SOX5: variants seen among roughly 807,000 people sequenced by gnomAD.
SOX5 encodes transcription factor SOX-5.
Under a neutral mutation model 92.0 loss-of-function variants are expected in SOX5, and 9 were observed. The ratio of observed to expected loss-of-function variants is 0.10; its 90% confidence interval spans 0.06 to 0.17. The LOEUF (loss-of-function observed/expected upper bound fraction) is 0.17. Ranked by LOEUF, SOX5 falls within the 10% of genes least tolerant of loss-of-function variation. The probability of loss-of-function intolerance (pLI) is 1.00; values close to 1 mark genes in which losing one functional copy is unlikely to be tolerated. For synonymous variants in SOX5, 344 were observed against 336.3 expected (o/e 1.02, Z -0.25); for missense variants, 642 against 944.5 (o/e 0.68, Z 4.20).
chr12:24,341,387 A>C (rs1952558930), intron 2 of SOX5, among the ~76,000 whole-genome samples: 1 of 152,138 alleles, frequency 6.6e-6, no homozygotes, highest in East Asian at 1.9e-4. Flanking sequence ...CTGAGATGGG[A>C]GGATTGCTTG....
At chr12:24,240,456 A>G (rs1965357582) in intron 3 of SOX5, among the ~76,000 whole-genome samples, 1 of 152,210 alleles carries the variant, frequency 6.6e-6, no homozygotes, top group Non-Finnish European at 1.5e-5. Flanking sequence ...CAATTTGGCT[A>G]TGCTGTATCT....
At chr12:23,724,744 G>GATTAAAGAGTATTAATATGATTAAAGA (rs2093023222) in intron 6 of SOX5, among the ~76,000 whole-genome samples, 12 of 152,230 alleles carry the variant, frequency 7.9e-5, no homozygotes, top group African/African-American at 2.6e-4. Context: ...ATGAAGTAAA[G>GATTAAAGAGTATTAATATGATTAAAGA]GTCTAAATTA....
intron 4 of SOX5, among the ~76,000 whole-genome samples, chr12:24,042,439 C>T (rs1334508958): frequency 6.6e-6 from 1 of 152,070 alleles, no homozygotes; most frequent in African/African-American, 2.4e-5. Context: ...ATGTATCAAG[C>T]GTGTTACACT....
At chr12:23,720,089 C>T (rs971847929) in intron 6 of SOX5, among the ~76,000 whole-genome samples, 2 of 152,154 alleles carry the variant, frequency 1.3e-5, no homozygotes, top group African/African-American at 4.8e-5. Context: ...AAGACTCATT[C>T]CATGTTTCAA....
chr12:23,662,172 G>T (rs117045761), intron 7 of SOX5, among the ~76,000 whole-genome samples: 2,160 of 151,590 alleles, frequency 0.014, 26 homozygotes, highest in South Asian at 0.045. Flanking sequence ...TATATATATA[G>T]AGAGAGAGAG....
intron 2 of SOX5, among the ~76,000 whole-genome samples, chr12:23,864,157 T>C (rs1290252069): frequency 6.6e-6 from 1 of 152,178 alleles, no homozygotes; most frequent in Non-Finnish European, 1.5e-5. Context: ...CTTTGATGTT[T>C]GTATTGTAAT....
chr12:24,318,444 T>C (rs1311936104), intron 2 of SOX5, among the ~76,000 whole-genome samples: 2 of 152,132 alleles, frequency 1.3e-5, no homozygotes, highest in Admixed American at 1.3e-4. Context: ...ATCTATGACA[T>C]AGATGAGCCT....
At chr12:24,305,521 A>G in intron 2 of SOX5, among the ~76,000 whole-genome samples, 1 of 152,200 alleles carries the variant, frequency 6.6e-6, no homozygotes, top group East Asian at 1.9e-4. Context: ...GATTTGGCTA[A>G]CAAGTTTAAT....
intron 3 of SOX5, among the ~76,000 whole-genome samples, chr12:24,247,645 C>CTTTTTTTTTTTTTTTT (rs11300258): frequency 1.3e-5 from 1 of 75,584 alleles, no homozygotes; most frequent in African/African-American, 4.6e-5. Flanking sequence ...TATTTATTTA[C>CTTTTTTTTTTTTTTTT]TTTTTTTTTT....
chr12:24,505,815 G>T (rs1175642288), intron 1 of SOX5, among the ~76,000 whole-genome samples: 42 of 152,028 alleles, frequency 2.8e-4, no homozygotes, highest in Admixed American at 2.7e-3. Context: ...ACGCCTGGAA[G>T]GCCAAGGCTT....
chr12:24,413,232 T>A (rs1727796001), intron 1 of SOX5, among the ~76,000 whole-genome samples: 1 of 152,238 alleles, frequency 6.6e-6, no homozygotes, highest in Non-Finnish European at 1.5e-5. Flanking sequence ...TGCAGCTCAG[T>A]TATTTAGTAC....
chr12:23,921,032 A>G (rs2138823790), intron 1 of SOX5, among the ~76,000 whole-genome samples: 1 of 152,288 alleles, frequency 6.6e-6, no homozygotes, highest in East Asian at 1.9e-4. Context: ...TACATGAAAT[A>G]TTTGTTGAGT....
intron 1 of SOX5, among the ~76,000 whole-genome samples, chr12:24,488,858 G>A (rs774336488): frequency 2.0e-5 from 3 of 152,050 alleles, no homozygotes; most frequent in Admixed American, 6.6e-5. Context: ...AAATCTACAC[G>A]GCATCCACAA....
chr12:23,724,361 T>A (rs529105756), intron 6 of SOX5, among the ~76,000 whole-genome samples: 4 of 152,268 alleles, frequency 2.6e-5, no homozygotes, highest in African/African-American at 9.6e-5. Flanking sequence ...TGAATTCTTG[T>A]GCTAATAATG....
intron 3 of SOX5, among the ~76,000 whole-genome samples, chr12:23,807,808 C>T (rs912024506): frequency 2.1e-4 from 32 of 151,804 alleles, no homozygotes; most frequent in Admixed American, 2.6e-4. Context: ...CCACCATGCC[C>T]GGCTAATTTT....
At chr12:23,776,077 G>T (rs999717448) in intron 3 of SOX5, among the ~76,000 whole-genome samples, 3 of 152,164 alleles carry the variant, frequency 2.0e-5, no homozygotes, top group Non-Finnish European at 4.4e-5. Context: ...ATTAAGTAAT[G>T]CTAATAAATA....
intron 2 of SOX5, among the ~76,000 whole-genome samples, chr12:24,362,757 T>C (rs567697721): frequency 3.9e-5 from 6 of 151,944 alleles, no homozygotes; most frequent in African/African-American, 1.4e-4. Context: ...CTCAATACTT[T>C]AGATGAGTTT....
intron 4 of SOX5, among the ~76,000 whole-genome samples, chr12:24,078,505 A>G (rs1347267202): frequency 6.6e-6 from 1 of 152,110 alleles, no homozygotes; most frequent in African/African-American, 2.4e-5. Context: ...TTTAGACTTT[A>G]GCCTGTAGGC....
intron 1 of SOX5, among the ~76,000 whole-genome samples, chr12:24,453,840 T>C (rs1942657981): frequency 6.6e-6 from 1 of 152,196 alleles, no homozygotes; most frequent in East Asian, 1.9e-4. Context: ...ATAGAGTGGC[T>C]TCAGGTGTTG....
Sources: allele counts gnomAD v4.1 joint callset (sites outside exome capture counted in the v4.1 genomes callset), GRCh38; gene constraint gnomAD v4.1.1; transcripts MANE v1.5; gene names NCBI Gene and HGNC (gene_info 2026-07-23, HGNC 2026-07-21).